The following OPCML variants were observed in gnomAD, a reference collection of about 807,000 sequenced individuals.
OPCML encodes the protein opioid-binding protein/cell adhesion molecule.
OPCML carries 13 observed loss-of-function variants against 37.8 expected under a neutral mutation model. The ratio of observed to expected loss-of-function variants is 0.34; its 90% CI spans 0.22 to 0.55. The LOEUF (loss-of-function observed/expected upper bound fraction) is 0.55, where lower values mean the gene tolerates loss of function less well. Among genes scored for constraint, OPCML ranks in the 20% least tolerant of loss-of-function variants. The pLI, the probability that OPCML is intolerant of heterozygous loss-of-function variation, is 0.91. For synonymous variants in OPCML, 176 were observed against 168.8 expected (o/e 1.04, Z -0.33); for missense variants, 341 against 435.6 (o/e 0.78, Z 1.93).
intron 1 of OPCML, among the ~76,000 whole-genome samples, chr11:133,110,415 G>A (rs1173708778): frequency 2.0e-5 from 3 of 152,120 alleles, no homozygotes; most frequent in Non-Finnish European, 4.4e-5. Context: ...ATGAACTTGG[G>A]AACTTGCTTG....
At chr11:132,759,773 A>T (rs1411339113) in intron 2 of OPCML, among the ~76,000 whole-genome samples, 1 of 151,942 alleles carries the variant, frequency 6.6e-6, no homozygotes, top group Non-Finnish European at 1.5e-5. Context: ...GATTTTTTGA[A>T]GGGTTTTTCG....
intron 4 of OPCML, among the ~76,000 whole-genome samples, chr11:132,454,094 G>A (rs536758493): frequency 2.0e-5 from 3 of 152,288 alleles, no homozygotes; most frequent in African/African-American, 7.2e-5. Context: ...AGGTTTTTGC[G>A]GGGGAAGGTT....
chr11:132,923,058 A>G (rs1944862650), intron 2 of OPCML, among the ~76,000 whole-genome samples: 1 of 150,430 alleles, frequency 6.6e-6, no homozygotes, highest in Non-Finnish European at 1.5e-5. Flanking sequence ...TGGGTGACAG[A>G]GTGAGACTCC....
intron 3 of OPCML, among the ~76,000 whole-genome samples, chr11:132,644,670 C>A (rs1270115141): frequency 6.6e-6 from 1 of 152,136 alleles, no homozygotes; most frequent in Admixed American, 6.5e-5. Context: ...AACATCAATC[C>A]TGTCACGACA....
At chr11:133,082,456 C>T (rs1300297922) in intron 1 of OPCML, among the ~76,000 whole-genome samples, 1 of 90,980 alleles carries the variant, frequency 1.1e-5, no homozygotes, top group Non-Finnish European at 2.3e-5. Context: ...TCCCCTCCTC[C>T]CCATCCTCCC....
At chr11:133,263,715 C>T (rs1941563107) in intron 1 of OPCML, among the ~76,000 whole-genome samples, 1 of 152,140 alleles carries the variant, frequency 6.6e-6, no homozygotes, top group Non-Finnish European at 1.5e-5. Flanking sequence ...GGGTGTGACA[C>T]AAGGACAGAA....
chr11:133,191,077 C>T (rs887078414), intron 1 of OPCML, among the ~76,000 whole-genome samples: 91 of 152,102 alleles, frequency 6.0e-4, no homozygotes, highest in African/African-American at 2.1e-3. Flanking sequence ...TTTTTGAAAA[C>T]GGCTGTACCA....
At chr11:132,889,883 G>A (rs1010020324) in intron 2 of OPCML, among the ~76,000 whole-genome samples, 7 of 152,290 alleles carry the variant, frequency 4.6e-5, no homozygotes, top group East Asian at 1.9e-4. Flanking sequence ...GCAGAAATAC[G>A]TCAAAGTTTA....
intron 1 of OPCML, among the ~76,000 whole-genome samples, chr11:133,147,902 C>A (rs1229983254): frequency 1.3e-5 from 2 of 152,142 alleles, no homozygotes; most frequent in African/African-American, 2.4e-5. Context: ...TCAAAATTGC[C>A]CCGTTTACTG....
chr11:133,447,415 G>C (rs956942528), intron 1 of OPCML, among the ~76,000 whole-genome samples: 2 of 152,134 alleles, frequency 1.3e-5, no homozygotes, highest in African/African-American at 4.8e-5. Context: ...GCACAGGCTT[G>C]TTGCCTGGTA....
intron 1 of OPCML, among the ~76,000 whole-genome samples, chr11:133,054,732 TG>T (rs1359655486): frequency 6.6e-6 from 1 of 152,234 alleles, no homozygotes; most frequent in Non-Finnish European, 1.5e-5. Flanking sequence ...CAGCCTAGTG[TG>T]GAGACCTGAA....
chr11:133,170,000 A>G (rs982751186), intron 1 of OPCML, among the ~76,000 whole-genome samples: 3 of 152,202 alleles, frequency 2.0e-5, no homozygotes, highest in Non-Finnish European at 4.4e-5. Flanking sequence ...AGGAAAAAAA[A>G]AGTTATAAAA....
chr11:133,423,955 G>A (rs1322362525), intron 1 of OPCML, among the ~76,000 whole-genome samples: 1 of 152,172 alleles, frequency 6.6e-6, no homozygotes. Flanking sequence ...ATCCTCACCA[G>A]AAGCCAAGCA....
intron 1 of OPCML, among the ~76,000 whole-genome samples, chr11:132,952,484 A>G (rs1195233977): frequency 6.6e-6 from 1 of 152,194 alleles, no homozygotes; most frequent in Non-Finnish European, 1.5e-5. Flanking sequence ...CACACTTCCA[A>G]AACTTATGCA....
intron 1 of OPCML, among the ~76,000 whole-genome samples, chr11:133,294,815 C>CTTTTTTTTTTTTTTTTTTTTTTTT (rs59382534): frequency 5.3e-5 from 3 of 56,560 alleles, no homozygotes; most frequent in African/African-American, 8.2e-5. Context: ...TTCTTTCTTT[C>CTTTTTTTTTTTTTTTTTTTTTTTT]TTTTTTTTTT....
chr11:133,351,782 C>T (rs552800777), intron 1 of OPCML, among the ~76,000 whole-genome samples: 4 of 152,208 alleles, frequency 2.6e-5, no homozygotes, highest in South Asian at 4.1e-4. Context: ...CACACACACA[C>T]GTACACATGA....
At chr11:132,929,914 A>G (rs1261900220) in intron 2 of OPCML, among the ~76,000 whole-genome samples, 1 of 152,240 alleles carries the variant, frequency 6.6e-6, no homozygotes, top group Admixed American at 6.5e-5. Flanking sequence ...TAACCTTAAT[A>G]AAGGTCATAT....
intron 1 of OPCML, among the ~76,000 whole-genome samples, chr11:133,319,075 T>C (rs890636570): frequency 6.6e-5 from 10 of 152,128 alleles, no homozygotes; most frequent in African/African-American, 2.4e-4. Context: ...GCAGCTAATA[T>C]TGATGTCGAT....
rs976210879 is a variant in OPCML at position 132,581,766 on chromosome 11, A to G, written c.380-52580T>C. On this transcript the variant is annotated intron_variant, in intron 3 of 7. Coordinates refer to ENST00000524381, the MANE Select transcript of OPCML (RefSeq NM_001012393.5). Reference sequence around the variant, plus strand: ...GATTAGAGGCAATGTCTGCTGGGAGAAACTGGGCTGCTTCTGCTTGACTGC... The same window carrying G: ...GATTAGAGGCAATGTCTGCTGGGAGGAACTGGGCTGCTTCTGCTTGACTGC... Among the ~76,000 whole-genome samples the G allele has an allele frequency of 2.0e-5, 3 of 152,048 alleles. No homozygotes were observed. In the East Asian group the frequency reaches 5.8e-4, roughly 29 times the overall value.
Sources: gnomAD v4.1 joint callset for allele counts (sites outside exome capture counted in the v4.1 genomes callset) on GRCh38, gnomAD v4.1.1 for gene constraint, MANE v1.5 for transcripts, NCBI Gene and HGNC (gene_info 2026-07-23, HGNC 2026-07-21) for gene names.